Variants in KCNMA1 observed in about 807,000 individuals in gnomAD.
KCNMA1 encodes Calcium-activated potassium channel subunit alpha-1.
A neutral mutation model predicts 140.0 loss-of-function variants in KCNMA1; 29 were observed. The ratio of observed to expected loss-of-function variants is 0.21; its 90% CI spans 0.15 to 0.28. KCNMA1 has a LOEUF of 0.28. Ranked by LOEUF, KCNMA1 falls within the 10% of genes least tolerant of loss-of-function variation. The pLI is 1.00. For missense variants in KCNMA1, 880 were observed against 1,602.2 expected, an observed-to-expected ratio of 0.55 and a Z score of 7.70; for synonymous variants, 612 against 611.9, an observed-to-expected ratio of 1.00 and a Z score of 0.00.
intron 2 of KCNMA1, among the ~76,000 whole-genome samples, chr10:77,261,073 G>T (rs1361489861): frequency 6.6e-6 from 1 of 152,024 alleles, no homozygotes; most frequent in African/African-American, 2.4e-5. Context: ...TAACCACCTG[G>T]GGGTCTCTAT....
In KCNMA1 at chr10:76,885,313, A is replaced by T; in HGVS notation, c.*1953T>A. 1.1e-6 allele frequency: 1 copy of T among 933,324 alleles called. No homozygotes were observed. Among genetic ancestry groups the T allele is most frequent in the Non-Finnish European group, 1.3e-6 (1 of 783,344 alleles). 57.8% of individuals were successfully genotyped at this position (933,324 alleles called of 1,614,324 possible). On this transcript the variant is annotated 3_prime_UTR_variant, in exon 28 of 28. Coordinates refer to ENST00000286628, the MANE Select transcript of KCNMA1 (RefSeq NM_001161352.2). The stretch of plus-strand genomic sequence containing the variant: ...AATATAAATCAATATATAGAGGGAC[A>T]AAAATAATTTGAAAAAATTCTTCCA...
rs77280228 is a variant in KCNMA1, at chr10:76,953,894, A to G, written c.2391T>C (p.Asp797=). 4,816 of 1,614,024 alleles carry G rather than the reference A, an allele frequency of 3.0e-3. 135 individuals carry two copies. In the African/African-American group the frequency reaches 0.056, roughly 19 times the overall value. ...CATTGGAGTCCATGTTGTCAATCTG[A>G]TCATTGCCAGGAATTAACAAGGGGT... is the stretch of plus-strand genomic sequence containing the variant. ...RHDPLLIPGN[D]QIDNMDSNVK... is the part of the protein sequence containing the mutation. The change falls in exon 21 of 28, where the codon GAT becomes GAC. Residue 797 remains aspartate (D), a synonymous_variant. Coordinates refer to ENST00000286628, the MANE Select transcript of KCNMA1 (RefSeq NM_001161352.2).
At chr10:77,542,482 T>C (rs2060411273) in intron 1 of KCNMA1, among the ~76,000 whole-genome samples, 1 of 152,206 alleles carries the variant, frequency 6.6e-6, no homozygotes, top group Admixed American at 6.5e-5. Flanking sequence ...CTTGGCTGAT[T>C]GTTAGAACGC....
At position 77,441,365 on chromosome 10, in the gene KCNMA1, G is replaced by A. The variant is rs2097395974; in HGVS notation, c.379-37342C>T. The stretch of plus-strand genomic sequence containing the variant: ...AGAAAATTAATAAATTCCCCAAAGT[G>A]TTGGCCAAGGAGTCCTTGGGTCTTG... On this transcript the variant is annotated intron_variant, in intron 1 of 27. Transcript: ENST00000286628. Among the ~76,000 whole-genome samples, 3 of 152,216 alleles carry A rather than the reference G, an allele frequency of 2.0e-5. No individual in the cohort carries two copies. In the South Asian group the frequency reaches 6.2e-4, roughly 32 times the overall value.
Position 77,185,008 on chromosome 10 carries a change from A to G in KCNMA1, c.603-92T>C, listed in dbSNP as rs539381351. 441 of 808,760 alleles carry G rather than the reference A, an allele frequency of 5.5e-4. 1 individual carries two copies. The highest frequency in any genetic ancestry group is 9.7e-5 in the Non-Finnish European group (44 of 453,456). The allele number at this position is 808,760 out of a possible 1,614,324, so 50.1% of individuals were successfully genotyped here. On this transcript the variant is annotated intron_variant, in intron 3 of 27. Transcript: ENST00000286628. Reference sequence around the variant, plus strand: ...GCTGAGAAGTGGTAGTGCTTAGGGTAGACGATGAAATGAATATTCATAAAA... The same window carrying G: ...GCTGAGAAGTGGTAGTGCTTAGGGTGGACGATGAAATGAATATTCATAAAA...
chr10:76,877,985 C>A lies in KCNMA1; in HGVS notation c.3428-95G>T. On this transcript the variant is annotated intron_variant, in intron 29 of 29. Transcript: ENST00000372403. Reference sequence around the variant, plus strand: ...CCTTTGGAAAGTTCATTGAAAAACGCAAAAAGGTAATCGATAGAAGCCGAC... The same window carrying A: ...CCTTTGGAAAGTTCATTGAAAAACGAAAAAAGGTAATCGATAGAAGCCGAC... The A allele has an allele frequency of 7.2e-6, 9 of 1,255,180 alleles. No individual in the cohort carries two copies. In the South Asian group the frequency reaches 1.0e-4, roughly 14 times the overall value. 77.8% of individuals were successfully genotyped at this position (1,255,180 alleles called of 1,614,324 possible). A position where few individuals can be genotyped will look rare whatever the true frequency, so the allele number is the denominator to read the frequency against.
intron 7 of KCNMA1, among the ~76,000 whole-genome samples, chr10:77,111,852 G>A (rs1021585302): frequency 5.9e-5 from 9 of 152,174 alleles, no homozygotes; most frequent in African/African-American, 2.2e-4. Context: ...GGTGTGAGGG[G>A]CTTGACTTAA....
chr10:77,402,882 A>G (rs1000313925), intron 2 of KCNMA1, among the ~76,000 whole-genome samples: 1 of 152,184 alleles, frequency 6.6e-6, no homozygotes, highest in African/African-American at 2.4e-5. Context: ...CAAACAAAAC[A>G]GCTTCCAGAA....
chr10:77,580,928 G>C (rs571032812), intron 1 of KCNMA1, among the ~76,000 whole-genome samples: 4 of 152,274 alleles, frequency 2.6e-5, no homozygotes, highest in Admixed American at 6.5e-5. Context: ...ACAAGCCTAT[G>C]GGAAATATAC....
chr10:77,255,274 A>C (rs983141747), intron 2 of KCNMA1, among the ~76,000 whole-genome samples: 30 of 152,200 alleles, frequency 2.0e-4, no homozygotes, highest in Non-Finnish European at 8.8e-5. Context: ...TGTTTGCACA[A>C]AAGAATGCCA....
chr10:76,900,821 T>A (rs994918943), intron 25 of KCNMA1, among the ~76,000 whole-genome samples: 22 of 151,640 alleles, frequency 1.5e-4, no homozygotes. Context: ...ATGACGAGAG[T>A]GTGGATTGGT....
chr10:77,255,932 T>C (rs1332089695), intron 2 of KCNMA1, among the ~76,000 whole-genome samples: 2 of 127,578 alleles, frequency 1.6e-5, no homozygotes, highest in Non-Finnish European at 3.4e-5. Context: ...AAAAAAAAAA[T>C]CTGTCCCTAA....
At chr10:77,389,107 CCT>C (rs1352299790) in intron 2 of KCNMA1, among the ~76,000 whole-genome samples, 8 of 152,086 alleles carry the variant, frequency 5.3e-5, no homozygotes, top group African/African-American at 1.4e-4. Context: ...GTCTGTTGCC[CCT>C]GTTTTTTAAA....
intron 25 of KCNMA1, among the ~76,000 whole-genome samples, chr10:76,905,819 C>T (rs76117107): frequency 1.9e-3 from 293 of 152,324 alleles, no homozygotes; most frequent in African/African-American, 6.4e-3. Flanking sequence ...GTTTAAATAA[C>T]ATGAAGGCAA....
rs756023062 is a variant in KCNMA1, at chr10:77,090,413, C to T, written c.1321G>A (p.Val441Ile). 1.7e-5 allele frequency: 28 copies of T among 1,610,356 alleles called. No individual in the cohort carries two copies. Among genetic ancestry groups the T allele is most frequent in the Admixed American group, 3.3e-5 (2 of 59,994 alleles). ...GGAAGCTCTTACTTGTGAAGAAAAA[C>T]GATCTCCACATTGACGTCATCCCGG... ...KDRDDVNVEI[V>I]FLHNISPNLE... The change falls in exon 10 of 28, where the codon GTT (valine) becomes ATT (isoleucine). Residue 441 changes from valine (V) to isoleucine (I), a missense_variant. Physicochemically the swap from Val to Ile is conservative, Grantham distance 29 (BLOSUM62 3). Coordinates refer to ENST00000286628, the MANE Select transcript of KCNMA1 (RefSeq NM_001161352.2).
At chr10:77,044,121 T>C (rs527846803) in intron 14 of KCNMA1, among the ~76,000 whole-genome samples, 3 of 152,166 alleles carry the variant, frequency 2.0e-5, no homozygotes, top group East Asian at 1.9e-4. Context: ...AGGACACGAA[T>C]AGGCCAATCA....
chr10:76,981,676 C>A (rs2079499502), intron 19 of KCNMA1, among the ~76,000 whole-genome samples: 1 of 152,158 alleles, frequency 6.6e-6, no homozygotes, highest in East Asian at 1.9e-4. Flanking sequence ...GAAGGGACAG[C>A]CTAGGCTGCC....
chr10:77,029,855 C>T (rs1448279731), intron 15 of KCNMA1, among the ~76,000 whole-genome samples: 2 of 152,168 alleles, frequency 1.3e-5, no homozygotes, highest in Admixed American at 1.3e-4. Context: ...CAAAGTCAAG[C>T]GTGACAGTGA....
intron 3 of KCNMA1, among the ~76,000 whole-genome samples, chr10:77,188,254 A>G (rs1264703538): frequency 6.6e-6 from 1 of 151,946 alleles, no homozygotes; most frequent in African/African-American, 2.4e-5. Context: ...CCTCAGAAGG[A>G]TTTACATGGG....
Sources: allele counts gnomAD v4.1 joint callset (sites outside exome capture counted in the v4.1 genomes callset), GRCh38; gene constraint gnomAD v4.1.1; transcripts MANE v1.5; gene names NCBI Gene and HGNC (gene_info 2026-07-23, HGNC 2026-07-21).